The following RXFP1 variants were observed in gnomAD, a reference collection of about 807,000 sequenced individuals.
The protein encoded by RXFP1 is relaxin family peptide receptor 1, also known as relaxin receptor 1.
A neutral mutation model predicts 89.8 loss-of-function variants in RXFP1; 73 were observed. The observed-to-expected ratio is 0.81, with a 90% CI of 0.67 to 0.99. The LOEUF is 0.99. RXFP1 is among the 50% of genes least tolerant of loss of function. RXFP1 has a pLI of 0.00. For missense variants in RXFP1, 793 were observed against 895.5 expected, an observed-to-expected ratio of 0.89 and a Z score of 1.46; for synonymous variants, 277 against 305.5, an observed-to-expected ratio of 0.91 and a Z score of 0.97.
chr4:158,555,924 C>A (rs368267491), intron 1 of RXFP1, among the ~76,000 whole-genome samples: 3 of 152,054 alleles, frequency 2.0e-5, no homozygotes, highest in African/African-American at 7.2e-5. Flanking sequence ...TATACAAAAA[C>A]CAACTCAAAA....
chr4:158,559,726 A>G (rs1343752998), intron 1 of RXFP1, among the ~76,000 whole-genome samples: 1 of 152,230 alleles, frequency 6.6e-6, no homozygotes, highest in Admixed American at 6.5e-5. Flanking sequence ...GAAATTCTTC[A>G]TAGAATTGCA....
At chr4:158,546,984 C>T (rs1378564243) in intron 1 of RXFP1, among the ~76,000 whole-genome samples, 2 of 151,946 alleles carry the variant, frequency 1.3e-5, no homozygotes, top group Admixed American at 6.6e-5. Context: ...AGGGAGGATT[C>T]CCTCTTTTTC....
chr4:158,645,054 T>A lies in RXFP1; in HGVS notation c.1261T>A (p.Phe421Ile). ...FVWVVSAVTC[F>I]GNIFVICMRP... is the part of the protein sequence containing the mutation. ...CTGGGTTGTATCTGCAGTTACCTGC[T>A]TTGGAAACATTTTTGTCATTTGCAT... The change falls in exon 15 of 18, where the codon TTT (phenylalanine) becomes ATT (isoleucine). Residue 421 changes from phenylalanine (F) to isoleucine (I), a missense_variant. Coordinates refer to ENST00000307765, the MANE Select transcript of RXFP1 (RefSeq NM_021634.4). The A allele has an allele frequency of 1.2e-6, 2 of 1,614,190 alleles. No individual in the cohort carries two copies. The highest frequency in any genetic ancestry group is 1.7e-6 in the Non-Finnish European group (2 of 1,180,008).
chr4:158,584,945 C>G (rs1191804858), intron 2 of RXFP1, among the ~76,000 whole-genome samples: 1 of 152,166 alleles, frequency 6.6e-6, no homozygotes, highest in East Asian at 1.9e-4. Context: ...TGGCAGACAT[C>G]TAATCACTTG....
chr4:158,572,931 A>G (rs1579729674), intron 2 of RXFP1, 96 bp downstream of exon 2: 6 of 1,502,338 alleles, frequency 4.0e-6, no homozygotes, highest in Non-Finnish European at 5.4e-6. Flanking sequence ...ACAAAACTAA[A>G]TTGAAATACA....
intron 2 of RXFP1, among the ~76,000 whole-genome samples, chr4:158,580,685 C>G (rs151266945): frequency 6.6e-6 from 1 of 152,302 alleles, no homozygotes; most frequent in Admixed American, 6.5e-5. Flanking sequence ...CTCCCCACTG[C>G]GGCGGACTTT....
chr4:158,615,791 A>AT (rs1333922629), intron 8 of RXFP1, among the ~76,000 whole-genome samples: 3 of 151,958 alleles, frequency 2.0e-5, no homozygotes, highest in Non-Finnish European at 4.4e-5. Context: ...CAAAAAAAAA[A>AT]ATTGTTTTTA....
intron 4 of RXFP1, among the ~76,000 whole-genome samples, chr4:158,601,966 GA>G (rs1761766322): frequency 6.6e-6 from 1 of 152,112 alleles, no homozygotes; most frequent in Non-Finnish European, 1.5e-5. Context: ...CTAATACTAA[GA>G]ACTTTCTTTA....
chr4:158,531,160 C>T (rs11936458), intron 1 of RXFP1, among the ~76,000 whole-genome samples: 27,622 of 152,020 alleles, frequency 0.18, 3,178 homozygotes, highest in African/African-American at 0.3. Context: ...CTAAGCCTCG[C>T]GAGTTGCTGG....
At chr4:158,580,435 A>G (rs552193915) in intron 2 of RXFP1, among the ~76,000 whole-genome samples, 1 of 152,308 alleles carries the variant, frequency 6.6e-6, no homozygotes, top group Admixed American at 6.5e-5. Context: ...ACAATATACC[A>G]AGTCTTTCTT....
chr4:158,539,631 C>T (rs953561893), intron 1 of RXFP1, among the ~76,000 whole-genome samples: 9 of 152,116 alleles, frequency 5.9e-5, no homozygotes, highest in Non-Finnish European at 1.0e-4. Flanking sequence ...CAGAGAAGGT[C>T]TTAGCATCAA....
At chr4:158,632,076 T>A (rs1362630552) in intron 11 of RXFP1, among the ~76,000 whole-genome samples, 1 of 152,140 alleles carries the variant, frequency 6.6e-6, no homozygotes, top group Non-Finnish European at 1.5e-5. Context: ...GCGGTTTTGA[T>A]TTCATCTCCT....
intron 9 of RXFP1, among the ~76,000 whole-genome samples, chr4:158,626,297 C>T (rs1383085972): frequency 2.6e-5 from 4 of 151,934 alleles, no homozygotes; most frequent in Non-Finnish European, 5.9e-5. Flanking sequence ...AAGGGTATTC[C>T]CAATAGTAAA....
chr4:158,651,674 G>T, intron 17 of RXFP1, 83 bp from the exon 18 acceptor site: 1 of 1,048,816 alleles, frequency 9.5e-7, no homozygotes, highest in Non-Finnish European at 1.4e-6. Flanking sequence ...AAAAGGGGTT[G>T]GGATGAAAGA....
rs78905550 is a variant in RXFP1, at chr4:158,562,054, C to T, written c.50-10644C>T. ...CTTATACACTTAAATTCTCTTACAA[C>T]GTAAAATCACAAGTTTGAACTTAAT... On this transcript the variant is annotated intron_variant, in intron 1 of 17. Coordinates refer to ENST00000307765, the MANE Select transcript of RXFP1 (RefSeq NM_021634.4). Among the ~76,000 whole-genome samples, 1,020 of 152,178 alleles carry T rather than the reference C, an allele frequency of 6.7e-3. 12 individuals are homozygous for T. Among genetic ancestry groups the T allele is most frequent in the African/African-American group, 0.023 (943 of 41,494 alleles).
rs1333817264 is a variant in RXFP1 at position 158,608,363 on chromosome 4, C to G, written c.536+320C>G. Among the ~76,000 whole-genome samples the G allele has an allele frequency of 2.9e-5, 4 of 137,184 alleles. No homozygotes were observed. In the East Asian group the frequency reaches 8.7e-4, roughly 30 times the overall value. The allele number at this position is 137,184 out of a possible 152,430, so 90.0% of individuals were successfully genotyped here. A position where few individuals can be genotyped will look rare whatever the true frequency, so the allele number is the denominator to read the frequency against. On this transcript the variant is annotated intron_variant, in intron 6 of 17. Transcript: ENST00000307765. ...AGTGCAGTGGCGCAATCTCAGCTCA[C>G]TGCAGCCTCCGCCTTCCAGGTTCAA... is the stretch of plus-strand genomic sequence containing the variant.
At chr4:158,526,476 A>G (rs1742528869) in intron 1 of RXFP1, among the ~76,000 whole-genome samples, 1 of 152,200 alleles carries the variant, frequency 6.6e-6, no homozygotes, top group Non-Finnish European at 1.5e-5. Context: ...CACTAAACCA[A>G]AAGCTCTTTC....
intron 4 of RXFP1, among the ~76,000 whole-genome samples, chr4:158,604,175 T>A (rs1762181784): frequency 6.6e-6 from 1 of 152,054 alleles, no homozygotes; most frequent in South Asian, 2.1e-4. Flanking sequence ...TAGTGCTTAT[T>A]GTATAAAACT....
chr4:158,546,597 T>C (rs910822005), intron 1 of RXFP1, among the ~76,000 whole-genome samples: 3 of 152,232 alleles, frequency 2.0e-5, no homozygotes, highest in Non-Finnish European at 4.4e-5. Context: ...TTGTCATAGA[T>C]AGCTCTTATT....
Sources: gnomAD v4.1 joint callset for allele counts (sites outside exome capture counted in the v4.1 genomes callset) on GRCh38, gnomAD v4.1.1 for gene constraint, MANE v1.5 for transcripts, NCBI Gene and HGNC (gene_info 2026-07-23, HGNC 2026-07-21) for gene names.